Variants in GALNT9 observed in about 807,000 individuals in gnomAD.
The protein encoded by GALNT9 is polypeptide N-acetylgalactosaminyltransferase 9, also known as GalNAc transferase 9.
Under a neutral mutation model 63.1 loss-of-function variants are expected in GALNT9, and 47 were observed. That is an observed-to-expected ratio of 0.75 (90% CI 0.59 to 0.95). GALNT9 has a LOEUF of 0.95. Ranked by LOEUF, GALNT9 falls within the 40% of genes least tolerant of loss-of-function variation. The pLI, the probability that GALNT9 is intolerant of heterozygous loss-of-function variation, is 0.00. For missense variants in GALNT9, 829 were observed against 874.8 expected (o/e 0.95, Z 0.66); for synonymous variants, 396 against 365.7 (o/e 1.08, Z -0.94).
rs1285791053 is a variant in GALNT9, at chr12:132,238,068, C to T, written c.1077+9842G>A. On this transcript the variant is annotated intron_variant, in intron 6 of 10. Transcript: ENST00000328957. The surrounding 1 kb of genome is among the most constrained non-coding windows in gnomAD (Gnocchi z 6.5). ...GTGAGCCAAGGTCAGGTGGAGGTCA[C>T]GTGTGTTTCCTGTGGCTGCCGTCCG... 6.6e-6 allele frequency among the ~76,000 whole-genome samples: 1 copy of T among 152,184 alleles called. No homozygotes were observed. Among genetic ancestry groups the T allele is most frequent in the South Asian group, 2.1e-4 (1 of 4,834 alleles).
In GALNT9 at chr12:132,248,325, A is replaced by G. The variant is rs531877191; in HGVS notation, c.960-298T>C. 7.9e-5 allele frequency among the ~76,000 whole-genome samples: 12 copies of G among 152,228 alleles called. No homozygotes were observed. The East Asian group carries it at 1.7e-3, about 22-fold the overall frequency. ...GTGTAGGAGGTTTAAAAAAAGATCA[A>G]TCGGCCGGCACAGTAGCTCACGCCT... On this transcript the variant is annotated intron_variant, in intron 5 of 10. Coordinates refer to ENST00000328957, the MANE Select transcript of GALNT9 (RefSeq NM_001122636.2).
chr12:132,247,365 T>C (rs1265436769), intron 6 of GALNT9: 1 of 345,152 alleles, frequency 2.9e-6, no homozygotes, highest in Non-Finnish European at 5.7e-6. Context: ...AAATGCCATC[T>C]TTTGTGATTC....
At chr12:132,302,139 C>T (rs1327343175) in intron 1 of GALNT9, among the ~76,000 whole-genome samples, 3 of 152,006 alleles carry the variant, frequency 2.0e-5, no homozygotes. Context: ...AGTTTTGTTT[C>T]ACTGCCAGCA....
At chr12:132,213,290 A>G (rs1877039391) in intron 6 of GALNT9, among the ~76,000 whole-genome samples, 1 of 152,166 alleles carries the variant, frequency 6.6e-6, no homozygotes, top group African/African-American at 2.4e-5. Context: ...TGACACAGAA[A>G]ACCCACCCAC....
chr12:132,203,167 T>G (rs553676121), intron 7 of GALNT9, among the ~76,000 whole-genome samples: 11 of 152,126 alleles, frequency 7.2e-5, no homozygotes, highest in African/African-American at 2.6e-4. Context: ...GGGCACTAAG[T>G]GGGGCCCTGG....
chr12:132,201,558 C>T lies in GALNT9; in HGVS notation c.1264-297G>A, dbSNP rs113691535. 7.2e-3 allele frequency among the ~76,000 whole-genome samples: 1,094 copies of T among 152,316 alleles called. 12 individuals are homozygous for T. The highest frequency in any genetic ancestry group is 0.025 in the African/African-American group (1,029 of 41,562). Reference sequence around the variant, plus strand: ...CCCACCCGGGCCCAGGAACCTCCTGCCTGAGAAGACGGCCCTGCTCACCTG... The same window carrying T: ...CCCACCCGGGCCCAGGAACCTCCTGTCTGAGAAGACGGCCCTGCTCACCTG... On this transcript the variant is annotated intron_variant, in intron 7 of 10. Coordinates refer to ENST00000328957, the MANE Select transcript of GALNT9 (RefSeq NM_001122636.2).
At chr12:132,320,809 G>T (rs536238612) in intron 1 of GALNT9, among the ~76,000 whole-genome samples, 1 of 152,070 alleles carries the variant, frequency 6.6e-6, no homozygotes. Flanking sequence ...CGGCGCCAGC[G>T]GGGGGGTCCT....
At chr12:132,203,753 TAGGGGCCC>T in intron 6 of GALNT9, 63 bp from the exon 7 acceptor site, 1 of 1,544,514 alleles carries the variant, frequency 6.5e-7, no homozygotes, top group South Asian at 1.2e-5. Flanking sequence ...CCCGGCCAGC[TAGGGGCCC>T]GTGAGAGGCC....
chr12:132,217,903 C>A (rs1266830662), intron 6 of GALNT9, among the ~76,000 whole-genome samples: 1 of 151,446 alleles, frequency 6.6e-6, no homozygotes, highest in Non-Finnish European at 1.5e-5. Context: ...ATCCACCCAT[C>A]CATTCATCCA....
At chr12:132,209,700 TCA>T (rs1488856861) in intron 6 of GALNT9, among the ~76,000 whole-genome samples, 2 of 152,134 alleles carry the variant, frequency 1.3e-5, no homozygotes, top group Non-Finnish European at 1.5e-5. Context: ...CCAAGACAGT[TCA>T]CAGATGCCAT....
rs1880398712 is a variant in GALNT9 at position 132,282,444 on chromosome 12, T to C, written c.419+3806A>G. On this transcript the variant is annotated intron_variant, in intron 2 of 10. Transcript: ENST00000328957. The surrounding 1 kb of genome is among the most constrained non-coding windows in gnomAD (Gnocchi z 4.5). Reference sequence around the variant, plus strand: ...GTGCGTGTGTGCGTGCATGCGTGTGTGTGCGTGTGCATGTGTGTGTGCACG... The same window carrying C: ...GTGCGTGTGTGCGTGCATGCGTGTGCGTGCGTGTGCATGTGTGTGTGCACG... Among the ~76,000 whole-genome samples the C allele has an allele frequency of 6.6e-6, 1 of 152,200 alleles. No homozygotes were observed.
chr12:132,300,559 T>C (rs1881255596), intron 1 of GALNT9, among the ~76,000 whole-genome samples: 1 of 123,904 alleles, frequency 8.1e-6, no homozygotes, highest in South Asian at 2.8e-4. Flanking sequence ...ACTCACCCAC[T>C]CCCACCACAC....
At chr12:132,268,311 AC>A (rs1879733566) in intron 2 of GALNT9, among the ~76,000 whole-genome samples, 1 of 152,176 alleles carries the variant, frequency 6.6e-6, no homozygotes, top group African/African-American at 2.4e-5. Context: ...ATGCTCTCAC[AC>A]ACACACCTTG....
chr12:132,248,546 A>G (rs1242107535), intron 5 of GALNT9, among the ~76,000 whole-genome samples: 1 of 152,186 alleles, frequency 6.6e-6, no homozygotes, highest in Non-Finnish European at 1.5e-5. Flanking sequence ...CCCAAGTTCG[A>G]GTGAGTCACT....
chr12:132,198,438 CTGGGG>C lies in GALNT9; in HGVS notation c.1498-484_1498-480del, dbSNP rs1244631457. Among the ~76,000 whole-genome samples, 699 of 152,130 alleles carry C rather than the reference CTGGGG, an allele frequency of 4.6e-3. 5 individuals carry two copies. The highest frequency in any genetic ancestry group is 0.015 in the African/African-American group (625 of 41,486). ...CCACTGTGATTCTGCGGGGCTGGGG[CTGGGG>C]CTGGGCCTGGGCCTGTGCTGCAGGT... On this transcript the variant is annotated intron_variant, in intron 9 of 10. Coordinates refer to ENST00000328957, the MANE Select transcript of GALNT9 (RefSeq NM_001122636.2).
intron 1 of GALNT9, among the ~76,000 whole-genome samples, chr12:132,304,279 G>A (rs1290614431): frequency 2.7e-5 from 2 of 74,842 alleles, no homozygotes; most frequent in Non-Finnish European, 4.9e-5. Flanking sequence ...ACCCTCGCCC[G>A]GGCACACCCT....
chr12:132,288,203 C>T (rs964509846), intron 1 of GALNT9, among the ~76,000 whole-genome samples: 4 of 152,278 alleles, frequency 2.6e-5, no homozygotes, highest in South Asian at 2.1e-4. Context: ...TGTGACCCTC[C>T]GCCCCCCACA....
intron 2 of GALNT9, among the ~76,000 whole-genome samples, chr12:132,285,446 C>A (rs1365824963): frequency 1.3e-5 from 2 of 152,282 alleles, no homozygotes; most frequent in African/African-American, 4.8e-5. Flanking sequence ...CGCGGCTACT[C>A]CCTCAGGGCA....
At chr12:132,294,557 C>T (rs1555243052) in intron 1 of GALNT9, among the ~76,000 whole-genome samples, 1 of 73,754 alleles carries the variant, frequency 1.4e-5, no homozygotes, top group East Asian at 3.8e-4. Flanking sequence ...GTCTCAGAGG[C>T]TTCAGGCGTC....
Sources: allele counts gnomAD v4.1 joint callset (sites outside exome capture counted in the v4.1 genomes callset), GRCh38; gene constraint gnomAD v4.1.1; non-coding constraint Gnocchi (gnomAD v3.1); transcripts MANE v1.5; gene names NCBI Gene and HGNC (gene_info 2026-07-23, HGNC 2026-07-21).